Variants in POLR3G observed in about 807,000 individuals in gnomAD.
POLR3G encodes RNA polymerase III subunit G.
A neutral mutation model predicts 30.1 loss-of-function variants in POLR3G; 28 were observed. The observed-to-expected ratio is 0.93, with a 90% CI of 0.69 to 1.27. The LOEUF (loss-of-function observed/expected upper bound fraction) is 1.27, where lower values mean the gene tolerates loss of function less well. POLR3G is among the 50% of genes most tolerant of loss of function. The pLI is 0.00. For synonymous variants in POLR3G, 79 were observed against 82.5 expected (o/e 0.96, Z 0.23); for missense variants, 254 against 264.6 (o/e 0.96, Z 0.28).
At position 90,514,121 on chromosome 5, in the gene POLR3G, C is replaced by G. The variant is rs541536879; in HGVS notation, c.*1982C>G. Reference sequence around the variant, plus strand: ...GGTACCGTTAAGAGCCTTCTTTCCCCCTTTGAAAGATCCTTTTACAATGTT... The same window carrying G: ...GGTACCGTTAAGAGCCTTCTTTCCCGCTTTGAAAGATCCTTTTACAATGTT... On this transcript the variant is annotated 3_prime_UTR_variant, in exon 8 of 8. Coordinates refer to ENST00000651687, the MANE Select transcript of POLR3G (RefSeq NM_006467.3). The G allele has an allele frequency of 3.3e-5, 5 of 152,322 alleles. No individual in the cohort carries two copies. Among genetic ancestry groups the G allele is most frequent in the Middle Eastern group, 3.4e-3 (1 of 294 alleles). 9.4% of individuals were successfully genotyped at this position (152,322 alleles called of 1,614,324 possible). A position where few individuals can be genotyped will look rare whatever the true frequency, so the allele number is the denominator to read the frequency against.
intron 7 of POLR3G, among the ~76,000 whole-genome samples, chr5:90,508,195 C>A (rs1421356671): frequency 6.6e-6 from 1 of 152,098 alleles, no homozygotes; most frequent in African/African-American, 2.4e-5. Flanking sequence ...TTCTTATTTC[C>A]CTTTGTTTAC....
At chr5:90,497,075 A>G (rs1426765123) in intron 4 of POLR3G, among the ~76,000 whole-genome samples, 1 of 152,202 alleles carries the variant, frequency 6.6e-6, no homozygotes, top group Non-Finnish European at 1.5e-5. Context: ...GTTTAACTCT[A>G]TGCTTAAAAA....
At chr5:90,475,521 C>T (rs2151895230) in intron 1 of POLR3G, among the ~76,000 whole-genome samples, 1 of 147,658 alleles carries the variant, frequency 6.8e-6, no homozygotes, top group East Asian at 2.0e-4. Context: ...TTTGGTTTGT[C>T]TGCCCTTGGA....
chr5:90,483,567 G>GT (rs1344562266), intron 1 of POLR3G, among the ~76,000 whole-genome samples: 26 of 152,224 alleles, frequency 1.7e-4, no homozygotes, highest in Admixed American at 1.6e-3. Flanking sequence ...CACTTTGGAA[G>GT]GCCGAGGCAG....
intron 7 of POLR3G, among the ~76,000 whole-genome samples, chr5:90,509,139 T>TA (rs1247427814): frequency 6.6e-6 from 1 of 152,236 alleles, no homozygotes; most frequent in African/African-American, 2.4e-5. Flanking sequence ...TGCCAAGTCT[T>TA]AGACAAACAT....
At chr5:90,483,346 A>C (rs1216146292) in intron 1 of POLR3G, among the ~76,000 whole-genome samples, 1 of 152,162 alleles carries the variant, frequency 6.6e-6, no homozygotes, top group Non-Finnish European at 1.5e-5. Context: ...CATATCTGAA[A>C]ATGTTCTCAG....
upstream of POLR3G, chr5:90,474,683 G>C: frequency 7.4e-6 from 2 of 270,336 alleles, 1 homozygote; most frequent in South Asian, 7.2e-5. Context: ...CGCAGTGAGG[G>C]TGGGAAGAGC....
chr5:90,481,241 C>T (rs1751108311), intron 1 of POLR3G, among the ~76,000 whole-genome samples: 1 of 151,558 alleles, frequency 6.6e-6, no homozygotes, highest in African/African-American at 2.4e-5. Context: ...AACCCATGAC[C>T]AGCCTGATCA....
At chr5:90,489,999 C>T (rs1751638288) in intron 3 of POLR3G, among the ~76,000 whole-genome samples, 1 of 151,950 alleles carries the variant, frequency 6.6e-6, no homozygotes, top group South Asian at 2.1e-4. Flanking sequence ...CCCAGCTACT[C>T]AGGAAGCTGA....
chr5:90,501,297 A>G (rs1449035801), intron 5 of POLR3G, among the ~76,000 whole-genome samples: 2 of 152,148 alleles, frequency 1.3e-5, no homozygotes. Context: ...ATTAGCTTGA[A>G]TGCAGAATTT....
chr5:90,511,728 G>A (rs1752746552), intron 7 of POLR3G, among the ~76,000 whole-genome samples: 1 of 151,746 alleles, frequency 6.6e-6, no homozygotes, highest in Non-Finnish European at 1.5e-5. Context: ...ATGTAAACTG[G>A]CTTTTTTTCT....
intron 6 of POLR3G, 174 bp downstream of exon 6, chr5:90,502,162 T>A: frequency 1.0e-6 from 1 of 985,398 alleles, no homozygotes. Flanking sequence ...GGCTGGGAGA[T>A]ATGGAGGGTC....
Position 90,506,682 on chromosome 5 carries a change from T to G in POLR3G, c.585+8T>G. Reference sequence around the variant, plus strand: ...GAAGAAGAGCAAGAAGAGGTAATGGTTCATTTGGGGATGGTAGCAAAATTA... The same window carrying G: ...GAAGAAGAGCAAGAAGAGGTAATGGGTCATTTGGGGATGGTAGCAAAATTA... On this transcript the variant is annotated splice_region_variant and intron_variant, in intron 7 of 7. Coordinates refer to ENST00000651687, the MANE Select transcript of POLR3G (RefSeq NM_006467.3). 6.3e-7 allele frequency: 1 copy of G among 1,594,474 alleles called. No homozygotes were observed.
chr5:90,505,008 A>G (rs960379598), intron 6 of POLR3G, among the ~76,000 whole-genome samples: 5 of 152,180 alleles, frequency 3.3e-5, no homozygotes, highest in African/African-American at 9.7e-5. Context: ...CAGACAGGAA[A>G]GGTGGAGTTT....
intron 6 of POLR3G, among the ~76,000 whole-genome samples, chr5:90,504,323 G>A (rs1752385107): frequency 6.6e-6 from 1 of 151,990 alleles, no homozygotes; most frequent in African/African-American, 2.4e-5. Context: ...CACTTTGGGA[G>A]GCCGAGGCGG....
chr5:90,511,616 C>CTTTTTTTTT (rs11331138), intron 7 of POLR3G, among the ~76,000 whole-genome samples: 1 of 138,976 alleles, frequency 7.2e-6, no homozygotes. Flanking sequence ...GGTATCATGC[C>CTTTTTTTTT]TTTTTTTTTT....
At chr5:90,496,596 C>T (rs532901614) in intron 4 of POLR3G, among the ~76,000 whole-genome samples, 4 of 152,316 alleles carry the variant, frequency 2.6e-5, no homozygotes, top group Non-Finnish European at 5.9e-5. Context: ...CCCACTCATT[C>T]ATTTTGCAAA....
intron 1 of POLR3G, among the ~76,000 whole-genome samples, chr5:90,482,016 A>G (rs1297607910): frequency 6.6e-6 from 1 of 152,204 alleles, no homozygotes; most frequent in African/African-American, 2.4e-5. Flanking sequence ...ACTTTTGTGC[A>G]TGTAAGTATA....
intron 1 of POLR3G, among the ~76,000 whole-genome samples, chr5:90,479,621 G>A (rs965746367): frequency 2.0e-5 from 3 of 151,400 alleles, no homozygotes; most frequent in African/African-American, 4.9e-5. Flanking sequence ...TTTTTAATCT[G>A]TGTTTTAACA....
Sources: allele counts gnomAD v4.1 joint callset (sites outside exome capture counted in the v4.1 genomes callset), GRCh38; gene constraint gnomAD v4.1.1; transcripts MANE v1.5; gene names NCBI Gene and HGNC (gene_info 2026-07-23, HGNC 2026-07-21).